Variants in CADM3 observed in about 807,000 individuals in gnomAD.
CADM3 encodes the protein TSLC1-like 1.
CADM3 carries 11 observed loss-of-function variants against 44.9 expected under a neutral mutation model. The observed-to-expected ratio is 0.25, with a 90% CI of 0.15 to 0.41. CADM3 has a LOEUF of 0.41. Ranked by LOEUF, CADM3 falls within the 10% of genes least tolerant of loss-of-function variation. CADM3 has a pLI of 1.00. For missense variants in CADM3, 426 were observed against 512.0 expected (o/e 0.83, Z 1.62); for synonymous variants, 207 against 205.2 (o/e 1.01, Z -0.08).
chr1:159,194,076 T>G lies in CADM3; in HGVS notation c.691+36T>G. ...GGCTTGGGGATGAAGAAGGATGAGG[T>G]ATGAGATGAGGACCAGGGAGAAAGA... On this transcript the variant is annotated intron_variant, in intron 5 of 8. Coordinates refer to ENST00000368125, the MANE Select transcript of CADM3 (RefSeq NM_001127173.3). 2.5e-6 allele frequency: 4 copies of G among 1,593,702 alleles called. No individual in the cohort carries two copies. The South Asian group carries it at 4.5e-5, about 18-fold the overall frequency.
intron 1 of CADM3, among the ~76,000 whole-genome samples, chr1:159,187,263 G>A (rs1032696179): frequency 6.6e-6 from 1 of 152,180 alleles, no homozygotes; most frequent in Non-Finnish European, 1.5e-5. Context: ...GCCCACTAGG[G>A]GCTAAGTGCT....
intron 7 of CADM3, chr1:159,197,326 C>T (rs1649947970): frequency 2.6e-6 from 1 of 384,076 alleles, no homozygotes; most frequent in Non-Finnish European, 4.7e-6. Flanking sequence ...ATCTTCCATC[C>T]CCTGCACTTG....
Position 159,196,938 on chromosome 1 carries a change from A to T in CADM3, c.830A>T (p.Lys277Met). The change falls in exon 7 of 9, where the codon AAG becomes ATG. Residue 277 changes from lysine (K) to methionine (M), a missense_variant. Transcript: ENST00000368125. ...AAGGAGGGCAGTGTGCCACCCCTGA[A>T]GATGACCCAGGAGAGTGCCCTGATC... ...WEKEGSVPPLKMTQESALIFP... is the reference protein window; with the variant it reads ...WEKEGSVPPLMMTQESALIFP... 1.2e-6 allele frequency: 2 copies of T among 1,614,108 alleles called. No homozygotes were observed. The highest frequency in any genetic ancestry group is 1.7e-6 in the Non-Finnish European group (2 of 1,180,016).
chr1:159,201,665 T>C lies in CADM3; in HGVS notation c.*743T>C. The C allele has an allele frequency of 6.6e-6, 1 of 152,410 alleles. No individual in the cohort carries two copies. 9.4% of individuals were successfully genotyped at this position (152,410 alleles called of 1,614,324 possible). On this transcript the variant is annotated 3_prime_UTR_variant, in exon 9 of 9. Coordinates refer to ENST00000368125, the MANE Select transcript of CADM3 (RefSeq NM_001127173.3). Reference sequence around the variant, plus strand: ...TTGGAGAGGAAGGATGGAGGTGGACTCTCACCCCATTCCCCCCGGAAATGA... The same window carrying C: ...TTGGAGAGGAAGGATGGAGGTGGACCCTCACCCCATTCCCCCCGGAAATGA...
Position 159,200,945 on chromosome 1 carries a change from C to A in CADM3, c.*23C>A. 6.5e-7 allele frequency: 1 copy of A among 1,549,484 alleles called. No homozygotes were observed. The highest frequency in any genetic ancestry group is 1.2e-5 in the South Asian group (1 of 83,270). Reference sequence around the variant, plus strand: ...TAGAGGCGCCTGCCCACTTCCTGCGCCCCCCAGGGGCCCTGTGGGGACTGC... The same window carrying A: ...TAGAGGCGCCTGCCCACTTCCTGCGACCCCCAGGGGCCCTGTGGGGACTGC... On this transcript the variant is annotated 3_prime_UTR_variant, in exon 9 of 9. Transcript: ENST00000368125.
At chr1:159,188,441 A>C in intron 1 of CADM3, among the ~76,000 whole-genome samples, 1 of 146,396 alleles carries the variant, frequency 6.8e-6, no homozygotes, top group Admixed American at 6.8e-5. Flanking sequence ...TGTAATCTCG[A>C]CCTCCCGGCC....
Position 159,202,054 on chromosome 1 carries a change from G to GTGTGCA in CADM3, c.*1137_*1142dup, listed in dbSNP as rs1344811955. On this transcript the variant is annotated 3_prime_UTR_variant, in exon 9 of 9. Transcript: ENST00000368125. Reference sequence around the variant, plus strand: ...CCAAACTAAGGGAATAATGTGAACTGTGTGCATGTGTGTGGTGTGTATGCA... The same window carrying GTGTGCA: ...CCAAACTAAGGGAATAATGTGAACTGTGTGCATGTGCATGTGTGTGGTGTGTATGCA... The GTGTGCA allele has an allele frequency of 2.6e-5, 4 of 152,842 alleles. No individual in the cohort carries two copies. The East Asian group carries it at 5.8e-4, about 22-fold the overall frequency. 9.5% of individuals were successfully genotyped at this position (152,842 alleles called of 1,614,324 possible). A position where few individuals can be genotyped will look rare whatever the true frequency, so the allele number is the denominator to read the frequency against.
intron 1 of CADM3, among the ~76,000 whole-genome samples, 180 bp from the exon 2 acceptor site, chr1:159,191,756 T>A (rs893573884): frequency 6.6e-6 from 1 of 152,220 alleles, no homozygotes; most frequent in Non-Finnish European, 1.5e-5. Flanking sequence ...CTAAGATCTG[T>A]CTTTCCCTCC....
chr1:159,177,176 C>T (rs1649053272), intron 1 of CADM3, among the ~76,000 whole-genome samples: 1 of 152,134 alleles, frequency 6.6e-6, no homozygotes, highest in African/African-American at 2.4e-5. Context: ...CCACTAATAT[C>T]TAGGTATTTA....
intron 7 of CADM3, among the ~76,000 whole-genome samples, chr1:159,198,653 G>A (rs558288465): frequency 6.6e-6 from 1 of 152,282 alleles, no homozygotes; most frequent in South Asian, 2.1e-4. Flanking sequence ...GACTCAAGCT[G>A]AGTCCATGGA....
Position 159,199,798 on chromosome 1 carries a change from G to A in CADM3, c.1000G>A (p.Gly334Ser), listed in dbSNP as rs1224156115. 1.3e-5 allele frequency: 21 copies of A among 1,614,074 alleles called. No homozygotes were observed. Among genetic ancestry groups the A allele is most frequent in the Non-Finnish European group, 1.6e-5 (19 of 1,180,028 alleles). The change falls in exon 8 of 9, where the codon GGT (glycine) becomes AGT (serine). Residue 334 changes from glycine (G) to serine (S), a missense_variant. Physicochemically the swap from Gly to Ser is moderately conservative, Grantham distance 56 (BLOSUM62 0). Coordinates refer to ENST00000368125, the MANE Select transcript of CADM3 (RefSeq NM_001127173.3). ...CTCCAGCACCTACCACGCCATCATCGGTGGGATCGTGGCTTTCATTGTCTT... is the reference window on the plus strand; with the variant it reads ...CTCCAGCACCTACCACGCCATCATCAGTGGGATCGTGGCTTTCATTGTCTT... ...SSSSTYHAII[G>S]GIVAFIVFLL...
At chr1:159,189,628 A>AG in intron 1 of CADM3, 1 of 639,678 alleles carries the variant, frequency 1.6e-6, no homozygotes, top group Non-Finnish European at 2.7e-6. Flanking sequence ...CCTTGGTAAG[A>AG]ACCCTACCTT....
At chr1:159,186,506 C>T (rs2253837) in intron 1 of CADM3, among the ~76,000 whole-genome samples, 41,629 of 151,982 alleles carry the variant, frequency 0.27, 6,071 homozygotes, top group African/African-American at 0.37. Context: ...TAAGTTTTCC[C>T]TTCCAGTCTG....
intron 1 of CADM3, among the ~76,000 whole-genome samples, chr1:159,178,959 G>A (rs1460457380): frequency 6.6e-6 from 1 of 152,194 alleles, no homozygotes; most frequent in East Asian, 1.9e-4. Flanking sequence ...TGAATTTCCA[G>A]GACTCCTCTT....
chr1:159,200,798 A>T lies in CADM3; in HGVS notation c.1079-6A>T. 7 of 1,595,034 alleles carry T rather than the reference A, an allele frequency of 4.4e-6. No homozygotes were observed. The highest frequency in any genetic ancestry group is 6.0e-6 in the Non-Finnish European group (7 of 1,170,712). Reference sequence around the variant, plus strand: ...CCTGAGAGGAGAAGCCTCTGTCTCTACACAGGAACCTACCTGACACATGAG... The same window carrying T: ...CCTGAGAGGAGAAGCCTCTGTCTCTTCACAGGAACCTACCTGACACATGAG... On this transcript the variant is annotated splice_polypyrimidine_tract_variant and splice_region_variant and intron_variant, in intron 8 of 8. Coordinates refer to ENST00000368125, the MANE Select transcript of CADM3 (RefSeq NM_001127173.3).
At chr1:159,198,135 T>C (rs1412877938) in intron 7 of CADM3, 2 of 152,356 alleles carry the variant, frequency 1.3e-5, no homozygotes, top group East Asian at 3.9e-4. Context: ...GGGAGTCCTG[T>C]TGGACTGCGT....
intron 2 of CADM3, among the ~76,000 whole-genome samples, 170 bp from the exon 3 acceptor site, chr1:159,192,408 A>G (rs1649703076): frequency 6.6e-6 from 1 of 152,164 alleles, no homozygotes; most frequent in African/African-American, 2.4e-5. Context: ...ATGTCTAATG[A>G]CCCAGAAAAG....
Position 159,192,720 on chromosome 1 carries a change from C to T in CADM3, c.372C>T (p.Val124=). Residue 124 remains valine, a synonymous_variant, in exon 3 of 9, where the codon GTC becomes GTT. Transcript: ENST00000368125. ...CTGTGCGAACTGCCAAGTCCCTCGT[C>T]ACTGTGCTAGGTGAGACTCCCAAAC... ...TMPVRTAKSL[V]TVLGIPQKPI... 1 of 1,613,496 alleles carries T rather than the reference C, an allele frequency of 6.2e-7. No individual in the cohort carries two copies. Among genetic ancestry groups the T allele is most frequent in the Non-Finnish European group, 8.5e-7 (1 of 1,179,850 alleles).
At chr1:159,180,382 TG>T (rs1168152594) in intron 1 of CADM3, among the ~76,000 whole-genome samples, 2 of 152,146 alleles carry the variant, frequency 1.3e-5, no homozygotes, top group African/African-American at 4.8e-5. Context: ...AATGTGTGTT[TG>T]CCCCCATCAA....
Sources: allele counts gnomAD v4.1 joint callset (sites outside exome capture counted in the v4.1 genomes callset), GRCh38; gene constraint gnomAD v4.1.1; transcripts MANE v1.5; gene names NCBI Gene and HGNC (gene_info 2026-07-23, HGNC 2026-07-21).